TAFA1: variants seen among roughly 807,000 people sequenced by gnomAD.
TAFA1 encodes the protein TAFA chemokine like family member 1, also known as chemokine-like protein TAFA-1.
Under a neutral mutation model 18.5 loss-of-function variants are expected in TAFA1, and 4 were observed. That is an observed-to-expected ratio of 0.22 (90% confidence interval 0.11 to 0.49). The LOEUF (loss-of-function observed/expected upper bound fraction) is 0.49, where lower values mean the gene tolerates loss of function less well. Ranked by LOEUF, TAFA1 falls within the 20% of genes least tolerant of loss-of-function variation. The probability of loss-of-function intolerance (pLI) is 0.98; values close to 1 mark genes in which losing one functional copy is unlikely to be tolerated. For synonymous variants in TAFA1, 56 were observed against 55.2 expected (o/e 1.01, Z -0.06); for missense variants, 147 against 169.0 (o/e 0.87, Z 0.72).
At chr3:68,208,950 C>T (rs1369237712) in intron 2 of TAFA1, among the ~76,000 whole-genome samples, 1 of 151,928 alleles carries the variant, frequency 6.6e-6, no homozygotes, top group Non-Finnish European at 1.5e-5. Flanking sequence ...TAAGAAATTC[C>T]ACACTGCAGA....
chr3:68,502,964 G>T (rs1575929945), intron 3 of TAFA1, among the ~76,000 whole-genome samples: 1 of 152,174 alleles, frequency 6.6e-6, no homozygotes. Flanking sequence ...TAAACAAAAT[G>T]TGATGTATCC....
At chr3:68,522,453 G>C (rs1374863820) in intron 3 of TAFA1, among the ~76,000 whole-genome samples, 3 of 152,152 alleles carry the variant, frequency 2.0e-5, no homozygotes. Context: ...TGGCCATTCC[G>C]ATTTACTGAA....
At chr3:68,483,050 A>G (rs1287138801) in intron 3 of TAFA1, among the ~76,000 whole-genome samples, 1 of 152,196 alleles carries the variant, frequency 6.6e-6, no homozygotes, top group Non-Finnish European at 1.5e-5. Context: ...GGGAAGACAG[A>G]TATTCCCAAC....
At chr3:68,039,848 A>C (rs1196814815) in intron 2 of TAFA1, among the ~76,000 whole-genome samples, 1 of 152,188 alleles carries the variant, frequency 6.6e-6, no homozygotes, top group African/African-American at 2.4e-5. Flanking sequence ...TGTGAAGGAC[A>C]TACCTCAGAG....
intron 2 of TAFA1, among the ~76,000 whole-genome samples, chr3:68,368,139 C>G (rs1394887291): frequency 1.3e-5 from 2 of 152,054 alleles, no homozygotes; most frequent in Non-Finnish European, 2.9e-5. Flanking sequence ...TTCACATTCC[C>G]AAGTGAAAAA....
chr3:68,202,801 ATGT>A (rs1423872578), intron 2 of TAFA1, among the ~76,000 whole-genome samples: 3 of 151,726 alleles, frequency 2.0e-5, no homozygotes, highest in African/African-American at 7.2e-5. Flanking sequence ...TGTAATTGAT[ATGT>A]TGTTACTTTT....
intron 3 of TAFA1, among the ~76,000 whole-genome samples, chr3:68,515,301 A>G (rs1309350298): frequency 6.6e-6 from 1 of 152,170 alleles, no homozygotes; most frequent in East Asian, 1.9e-4. Flanking sequence ...CATTTGTTCA[A>G]GCAAGTAACT....
At chr3:68,418,375 C>T (rs895219824) in intron 3 of TAFA1, among the ~76,000 whole-genome samples, 5 of 151,606 alleles carry the variant, frequency 3.3e-5, no homozygotes, top group African/African-American at 1.2e-4. Flanking sequence ...CTTTTTGAGC[C>T]AGGATGAGCC....
intron 2 of TAFA1, among the ~76,000 whole-genome samples, chr3:68,147,029 G>GTA (rs1273032898): frequency 2.0e-5 from 3 of 150,086 alleles, no homozygotes; most frequent in African/African-American, 7.4e-5. Flanking sequence ...ATGTGTGTGT[G>GTA]TGTGTGTGTG....
At chr3:68,234,431 G>A (rs2066904824) in intron 2 of TAFA1, among the ~76,000 whole-genome samples, 2 of 152,176 alleles carry the variant, frequency 1.3e-5, no homozygotes, top group Non-Finnish European at 2.9e-5. Flanking sequence ...CATATGTTGA[G>A]TATCTCCTCT....
At chr3:68,540,098 C>A (rs2073347931) in intron 4 of TAFA1, among the ~76,000 whole-genome samples, 2 of 152,072 alleles carry the variant, frequency 1.3e-5, no homozygotes, top group African/African-American at 4.8e-5. Flanking sequence ...AAAATTGGTT[C>A]TTTCGTCTTT....
intron 3 of TAFA1, among the ~76,000 whole-genome samples, chr3:68,427,080 C>G (rs2071070732): frequency 6.6e-6 from 1 of 151,766 alleles, no homozygotes; most frequent in South Asian, 2.1e-4. Context: ...GGTCATGGCA[C>G]AGCACACCCA....
At chr3:68,192,130 C>G (rs1313964670) in intron 2 of TAFA1, among the ~76,000 whole-genome samples, 2 of 151,816 alleles carry the variant, frequency 1.3e-5, no homozygotes, top group Non-Finnish European at 2.9e-5. Flanking sequence ...AGTCCAACAA[C>G]TATTTACTGA....
At chr3:68,182,229 A>G (rs901346239) in intron 2 of TAFA1, among the ~76,000 whole-genome samples, 1 of 152,076 alleles carries the variant, frequency 6.6e-6, no homozygotes, top group Admixed American at 6.5e-5. Context: ...GAATTCATAA[A>G]CAGACAGACA....
At chr3:68,522,998 C>T (rs1188204758) in intron 3 of TAFA1, among the ~76,000 whole-genome samples, 2 of 152,194 alleles carry the variant, frequency 1.3e-5, no homozygotes, top group Non-Finnish European at 2.9e-5. Flanking sequence ...ATTGCTTGAA[C>T]CCGGGAGGCG....
rs1553682607 is a variant in TAFA1 at position 68,370,798 on chromosome 3, T to TC, written c.119-46482_119-46481insC. ...TTTCGTTGTTTTTTTTTTTTTTTTTTAATTGTCTGGACTCATAATCCCTGA... is the reference window on the plus strand; with the variant it reads ...TTTCGTTGTTTTTTTTTTTTTTTTTTCAATTGTCTGGACTCATAATCCCTGA... On this transcript the variant is annotated intron_variant, in intron 2 of 4. Transcript: ENST00000478136. 3.0e-4 allele frequency among the ~76,000 whole-genome samples: 45 copies of TC among 148,510 alleles called. No individual in the cohort carries two copies. The South Asian group carries it at 8.8e-3, about 29-fold the overall frequency.
At chr3:68,289,025 T>C (rs2068065692) in intron 2 of TAFA1, among the ~76,000 whole-genome samples, 1 of 152,184 alleles carries the variant, frequency 6.6e-6, no homozygotes, top group African/African-American at 2.4e-5. Context: ...GTAGCATTTA[T>C]TGAAGTGAAA....
chr3:68,100,172 A>G (rs2065132072), intron 2 of TAFA1, among the ~76,000 whole-genome samples: 5 of 152,150 alleles, frequency 3.3e-5, no homozygotes. Context: ...TAAAAAAGCA[A>G]AAAAACCCAA....
At chr3:68,231,309 A>G (rs2066867723) in intron 2 of TAFA1, among the ~76,000 whole-genome samples, 1 of 146,846 alleles carries the variant, frequency 6.8e-6, no homozygotes. Flanking sequence ...GCTTTAACAC[A>G]TATCTGTCAA....
Sources: gnomAD v4.1 joint callset for allele counts (sites outside exome capture counted in the v4.1 genomes callset) on GRCh38, gnomAD v4.1.1 for gene constraint, MANE v1.5 for transcripts, NCBI Gene and HGNC (gene_info 2026-07-23, HGNC 2026-07-21) for gene names.